Variants in FRMD4A observed in about 807,000 individuals in gnomAD.
The protein encoded by FRMD4A is FERM domain containing 4A.
A neutral mutation model predicts 129.1 loss-of-function variants in FRMD4A; 29 were observed. The observed-to-expected ratio is 0.22, with a 90% CI of 0.17 to 0.31. The LOEUF (loss-of-function observed/expected upper bound fraction) is 0.31, where lower values mean the gene tolerates loss of function less well. Ranked by LOEUF, FRMD4A falls within the 10% of genes least tolerant of loss-of-function variation. FRMD4A has a pLI of 1.00. For missense variants in FRMD4A, 1,272 were observed against 1,375.8 expected (o/e 0.92, Z 1.19); for synonymous variants, 634 against 571.6 (o/e 1.11, Z -1.56).
At chr10:13,996,971 T>A (rs2095624695) in intron 2 of FRMD4A, among the ~76,000 whole-genome samples, 1 of 149,866 alleles carries the variant, frequency 6.7e-6, no homozygotes, top group Non-Finnish European at 1.5e-5. Flanking sequence ...CATCAAGCCA[T>A]TGAAAAAAAT....
At chr10:14,257,515 C>CCCCT (rs1844658471) in intron 2 of FRMD4A, among the ~76,000 whole-genome samples, 2 of 152,088 alleles carry the variant, frequency 1.3e-5, no homozygotes, top group Admixed American at 6.5e-5. Context: ...TGAATGGTAT[C>CCCCT]CCCTCGAAAA....
chr10:14,134,909 C>T (rs2131833451), intron 2 of FRMD4A, among the ~76,000 whole-genome samples: 1 of 152,268 alleles, frequency 6.6e-6, no homozygotes, highest in Non-Finnish European at 1.5e-5. Context: ...AGGTTAAAAA[C>T]ACATGACCAC....
At chr10:14,233,309 C>T (rs926637400) in intron 2 of FRMD4A, among the ~76,000 whole-genome samples, 2 of 152,212 alleles carry the variant, frequency 1.3e-5, no homozygotes, top group Admixed American at 6.5e-5. Context: ...GTGGCTCACA[C>T]CTGTTATCCC....
intron 12 of FRMD4A, among the ~76,000 whole-genome samples, chr10:13,732,103 A>C (rs2090357819): frequency 6.6e-6 from 1 of 151,952 alleles, no homozygotes; most frequent in African/African-American, 2.4e-5. Context: ...GTGGGGTTTA[A>C]ATGTTCTCTG....
At chr10:14,246,837 G>C (rs760666258) in intron 2 of FRMD4A, among the ~76,000 whole-genome samples, 26 of 152,120 alleles carry the variant, frequency 1.7e-4, no homozygotes, top group Admixed American at 4.6e-4. Flanking sequence ...GGAGAAGAAA[G>C]ATTGTGCTTC....
chr10:13,810,903 C>T lies in FRMD4A; in HGVS notation c.117G>A (p.Lys39=). The part of the protein sequence containing the change: ...DRKLELLVQP[K]LLAKELLDLV... ...GGTCAAGAAGCTCCTTGGCCAACAG[C>T]TTGGGCTGCAAGAAGAATACAATGG... is the stretch of plus-strand genomic sequence containing the variant. Residue 39 remains lysine, a synonymous_variant, in exon 4 of 25, where the codon AAG becomes AAA. Transcript: ENST00000357447. 6.4e-7 allele frequency: 1 copy of T among 1,570,526 alleles called. No homozygotes were observed. Among genetic ancestry groups the T allele is most frequent in the Non-Finnish European group, 8.8e-7 (1 of 1,141,686 alleles).
At chr10:14,254,937 C>A (rs1436104193) in intron 2 of FRMD4A, among the ~76,000 whole-genome samples, 1 of 152,034 alleles carries the variant, frequency 6.6e-6, no homozygotes, top group East Asian at 1.9e-4. Flanking sequence ...TCAATCAATC[C>A]CAGTCCCTAA....
chr10:14,325,888 A>G (rs1358174576), intron 2 of FRMD4A, among the ~76,000 whole-genome samples: 1 of 152,244 alleles, frequency 6.6e-6, no homozygotes, highest in Non-Finnish European at 1.5e-5. Flanking sequence ...GAGCTGGTCT[A>G]TTCAAAAGAA....
At chr10:13,695,508 C>T (rs1223455649) in intron 14 of FRMD4A, among the ~76,000 whole-genome samples, 1 of 152,210 alleles carries the variant, frequency 6.6e-6, no homozygotes. Flanking sequence ...TGTTTGTTTG[C>T]ATTTCCCACA....
chr10:13,714,049 T>TATATAA (rs2088503814), intron 12 of FRMD4A, among the ~76,000 whole-genome samples: 2 of 25,788 alleles, frequency 7.8e-5, no homozygotes, highest in Non-Finnish European at 1.5e-4. Flanking sequence ...TATATATATA[T>TATATAA]ATATATATAT....
At chr10:14,232,645 T>C (rs985675507) in intron 2 of FRMD4A, among the ~76,000 whole-genome samples, 9 of 152,254 alleles carry the variant, frequency 5.9e-5, no homozygotes, top group Non-Finnish European at 8.8e-5. Context: ...TCAGCCTCCC[T>C]GGTTAGCTGT....
At chr10:14,278,172 C>G (rs1392720085) in intron 2 of FRMD4A, among the ~76,000 whole-genome samples, 1 of 152,112 alleles carries the variant, frequency 6.6e-6, no homozygotes, top group Non-Finnish European at 1.5e-5. Flanking sequence ...AGAGCTCTAC[C>G]GTGTTGGTTC....
At chr10:13,660,635 C>T (rs759571276) in intron 19 of FRMD4A, 82 bp from the exon 20 acceptor site, 15 of 826,784 alleles carry the variant, frequency 1.8e-5, no homozygotes, top group South Asian at 8.3e-5. Context: ...CCCCTCCACC[C>T]GCACCTTGGA....
At chr10:13,739,271 A>G (rs935172991) in intron 11 of FRMD4A, among the ~76,000 whole-genome samples, 1 of 152,228 alleles carries the variant, frequency 6.6e-6, no homozygotes, top group African/African-American at 2.4e-5. Context: ...TCCTTGTATT[A>G]AACCCCTGCC....
intron 9 of FRMD4A, among the ~76,000 whole-genome samples, chr10:13,745,449 G>T (rs1202621307): frequency 6.6e-6 from 1 of 152,178 alleles, no homozygotes; most frequent in Non-Finnish European, 1.5e-5. Flanking sequence ...GGCACTTATG[G>T]GTCTGAAGGA....
chr10:14,238,040 G>A (rs1365175399), intron 2 of FRMD4A, among the ~76,000 whole-genome samples: 1 of 152,184 alleles, frequency 6.6e-6, no homozygotes, highest in Non-Finnish European at 1.5e-5. Context: ...GTTGGGACAG[G>A]CAGCAAGTGC....
chr10:14,093,221 G>T (rs1411953868), intron 2 of FRMD4A, among the ~76,000 whole-genome samples: 1 of 152,146 alleles, frequency 6.6e-6, no homozygotes, highest in Non-Finnish European at 1.5e-5. Context: ...ATTTATGATT[G>T]TTTTCTTCCC....
At chr10:14,071,766 G>T (rs918284178) in intron 2 of FRMD4A, among the ~76,000 whole-genome samples, 2 of 152,048 alleles carry the variant, frequency 1.3e-5, no homozygotes, top group African/African-American at 4.8e-5. Flanking sequence ...AGAAAGATAC[G>T]CACTTAGTGG....
intron 2 of FRMD4A, among the ~76,000 whole-genome samples, chr10:13,968,130 T>G (rs74122410): frequency 0.069 from 10,432 of 152,206 alleles, 417 homozygotes; most frequent in Non-Finnish European, 0.081. Context: ...CCGGGTGGAC[T>G]GCACATTAGT....
Sources: allele counts gnomAD v4.1 joint callset (sites outside exome capture counted in the v4.1 genomes callset), GRCh38; gene constraint gnomAD v4.1.1; transcripts MANE v1.5; gene names NCBI Gene and HGNC (gene_info 2026-07-23, HGNC 2026-07-21).